OXNAD1: variants seen among roughly 807,000 people sequenced by gnomAD.
OXNAD1 encodes the protein oxidoreductase NAD binding domain containing 1, also known as oxidoreductase NAD-binding domain-containing protein 1.
A neutral mutation model predicts 32.9 loss-of-function variants in OXNAD1; 34 were observed. That is an observed-to-expected ratio of 1.03 (90% CI 0.79 to 1.38). The LOEUF is 1.38. Ranked by LOEUF, OXNAD1 falls within the 40% of genes most tolerant of loss-of-function variation. OXNAD1 has a pLI of 0.00. For synonymous variants in OXNAD1, 134 were observed against 135.2 expected, an observed-to-expected ratio of 0.99 and a Z score of 0.06; for missense variants, 407 against 379.4, an observed-to-expected ratio of 1.07 and a Z score of -0.60.
downstream of OXNAD1, among the ~76,000 whole-genome samples, chr3:16,309,683 G>A (rs80120094): frequency 1.4e-3 from 202 of 149,328 alleles, no homozygotes; most frequent in African/African-American, 5.0e-3. Flanking sequence ...TTGGCTGTGT[G>A]GGATGGTGGG....
In OXNAD1 at chr3:16,316,504, G is replaced by A. The variant is rs375084476; in HGVS notation, c.*30+12912G>A. 17 of 360,892 alleles carry A rather than the reference G, an allele frequency of 4.7e-5. No individual in the cohort carries two copies. The highest frequency in any genetic ancestry group is 4.4e-4 in the East Asian group (6 of 13,532). The allele number at this position is 360,892 out of a possible 1,614,324, so 22.4% of individuals were successfully genotyped here. On this transcript the variant is annotated intron_variant, in intron 9 of 9. Coordinates refer to the OXNAD1 transcript ENST00000435829. The surrounding 1 kb of genome is among the most constrained non-coding windows in gnomAD (Gnocchi z 4.5). ...GAATGCTCCCTGGAGGCCCTGTGGC[G>A]AGGACAGGCACTGGATGGTCCAGAC...
At position 16,303,835 on chromosome 3, in the gene OXNAD1, T is replaced by C. The variant is rs1284859740; in HGVS notation, c.*273T>C. 1 of 242,294 alleles carries C rather than the reference T, an allele frequency of 4.1e-6. No individual in the cohort carries two copies. The highest frequency in any genetic ancestry group is 7.9e-6 in the Non-Finnish European group (1 of 126,434). The allele number at this position is 242,294 out of a possible 1,614,324, so 15.0% of individuals were successfully genotyped here. ...CTCATGATGTACCATGATTGGTCAG[T>C]ATAGATTTTTCTTTTGTCTTTAGGC... On this transcript the variant is annotated 3_prime_UTR_variant, in exon 9 of 9. Transcript: ENST00000285083. This position sits in a 1 kb window ranked among gnomAD's most constrained non-coding sequence, Gnocchi z 4.8.
At chr3:16,343,885 C>T (rs1271147635) in intron 9 of OXNAD1, among the ~76,000 whole-genome samples, 1 of 152,154 alleles carries the variant, frequency 6.6e-6, no homozygotes, top group African/African-American at 2.4e-5. Context: ...GCAAAGCCAG[C>T]TGATAGTCTT....
Position 16,271,657 on chromosome 3 carries a change from A to G in OXNAD1, c.120-2A>G. On this transcript the variant is annotated splice_acceptor_variant, in intron 3 of 8. Transcript: ENST00000285083. LOFTEE classifies it high-confidence loss of function. The surrounding 1 kb of genome is among the most constrained non-coding windows in gnomAD (Gnocchi z 4.6). ...ATAACCTAATTTTACTTTCTATTAA[A>G]GCATAATGAAATCCAAAAGGAAAAC... 2.5e-6 allele frequency: 4 copies of G among 1,592,100 alleles called. No individual in the cohort carries two copies. Among genetic ancestry groups the G allele is most frequent in the Admixed American group, 1.9e-5 (1 of 53,470 alleles).
In OXNAD1 at chr3:16,303,104, A is replaced by T. The variant is rs1002837714; in HGVS notation, c.785-304A>T. 1.3e-5 allele frequency among the ~76,000 whole-genome samples: 2 copies of T among 152,230 alleles called. No homozygotes were observed. The highest frequency in any genetic ancestry group is 2.9e-5 in the Non-Finnish European group (2 of 68,034). On this transcript the variant is annotated intron_variant, in intron 8 of 8. Transcript: ENST00000285083. This position sits in a 1 kb window ranked among gnomAD's most constrained non-coding sequence, Gnocchi z 4.8. ...TCCTCTGAAAGGATTTTTATAAAAC[A>T]GTTACTTCCTTTGCTGAAGGCAATT... is the stretch of plus-strand genomic sequence containing the variant.
rs1236133367 is a variant in OXNAD1 at position 16,326,823 on chromosome 3, A to G, written c.*31-10289A>G. The G allele has an allele frequency of 6.8e-6, 11 of 1,614,062 alleles. No individual in the cohort carries two copies. In the South Asian group the frequency reaches 1.1e-4, roughly 16 times the overall value. On this transcript the variant is annotated intron_variant, in intron 9 of 9. Coordinates refer to the OXNAD1 transcript ENST00000435829. Reference sequence around the variant, plus strand: ...GTAGCACACAGGTGAGCTGCCAGCCATAGGCCGCCAGCGAGTTCAGCAGGG... The same window carrying G: ...GTAGCACACAGGTGAGCTGCCAGCCGTAGGCCGCCAGCGAGTTCAGCAGGG...
At chr3:16,332,835 T>TTATC (rs1559824577) in intron 9 of OXNAD1, among the ~76,000 whole-genome samples, 2 of 116,302 alleles carry the variant, frequency 1.7e-5, no homozygotes, top group South Asian at 2.8e-4. Flanking sequence ...GGGCATCGAT[T>TTATC]TATCTACCTA....
Position 16,314,996 on chromosome 3 carries a change from CTTCAACCTCTT to C in OXNAD1, c.*30+11406_*30+11416del, listed in dbSNP as rs1268630688. ...TAGTTGTCTTCTCTTTGAACAGGGC[CTTCAACCTCTT>C]TAAGCTCTGAGGGTTGGGTGGGGAG... On this transcript the variant is annotated intron_variant, in intron 9 of 9. Transcript: ENST00000435829. This position sits in a 1 kb window ranked among gnomAD's most constrained non-coding sequence, Gnocchi z 4.4. 6.6e-6 allele frequency: 1 copy of C among 152,224 alleles called. No homozygotes were observed. The highest frequency in any genetic ancestry group is 1.5e-5 in the Non-Finnish European group (1 of 68,056). The allele number at this position is 152,224 out of a possible 1,614,324, so 9.4% of individuals were successfully genotyped here.
chr3:16,336,170 G>T lies in OXNAD1; in HGVS notation c.*31-942G>T, dbSNP rs2070829790. Among the ~76,000 whole-genome samples the T allele has an allele frequency of 6.6e-6, 1 of 152,240 alleles. No homozygotes were observed. The highest frequency in any genetic ancestry group is 1.5e-5 in the Non-Finnish European group (1 of 68,038). The stretch of plus-strand genomic sequence containing the variant: ...GAAGGCAGATGCTGGAACACGGCGG[G>T]CAGTGTTGCAGAAAACTCCACGTGG... On this transcript the variant is annotated intron_variant, in intron 9 of 9. Coordinates refer to the OXNAD1 transcript ENST00000435829. The surrounding 1 kb of genome is among the most constrained non-coding windows in gnomAD (Gnocchi z 6.0).
downstream of OXNAD1, among the ~76,000 whole-genome samples, chr3:16,308,108 G>A (rs80206689): frequency 6.6e-6 from 1 of 152,272 alleles, no homozygotes; most frequent in East Asian, 1.9e-4. This position sits in a 1 kb window ranked among gnomAD's most constrained non-coding sequence, Gnocchi z 4.4. Flanking sequence ...TTAGGAGCAA[G>A]TTAAATACTT....
chr3:16,303,345 C>A lies in OXNAD1; in HGVS notation c.785-63C>A. ...CACTGTATCTGAATTGTGGTTAGTC[C>A]TTCCTCATTTGCTGATACAACCATG... On this transcript the variant is annotated intron_variant, in intron 8 of 8. Transcript: ENST00000285083. The surrounding 1 kb of genome is among the most constrained non-coding windows in gnomAD (Gnocchi z 4.8). The A allele has an allele frequency of 6.4e-7, 1 of 1,566,332 alleles. No homozygotes were observed. The highest frequency in any genetic ancestry group is 8.7e-7 in the Non-Finnish European group (1 of 1,144,276).
chr3:16,323,104 A>G (rs544537458), intron 9 of OXNAD1, among the ~76,000 whole-genome samples: 1 of 152,156 alleles, frequency 6.6e-6, no homozygotes, highest in Non-Finnish European at 1.5e-5. Context: ...CCTAGTGGGA[A>G]TATCTAGCAG....
chr3:16,292,663 C>T (rs2066510458), intron 5 of OXNAD1, among the ~76,000 whole-genome samples: 1 of 152,162 alleles, frequency 6.6e-6, no homozygotes, highest in African/African-American at 2.4e-5. Context: ...TTAGCTCTTA[C>T]ATTTAAGTTT....
downstream of OXNAD1, among the ~76,000 whole-genome samples, chr3:16,309,962 A>G (rs2067852470): frequency 6.6e-6 from 1 of 152,168 alleles, no homozygotes; most frequent in South Asian, 2.1e-4. Context: ...TGGGATGACT[A>G]TTGTTTGTAT....
At position 16,271,808 on chromosome 3, in the gene OXNAD1, A is replaced by G; in HGVS notation, c.183+86A>G. On this transcript the variant is annotated intron_variant, in intron 4 of 8. Coordinates refer to ENST00000285083, the MANE Select transcript of OXNAD1 (RefSeq NM_138381.5). The surrounding 1 kb of genome is among the most constrained non-coding windows in gnomAD (Gnocchi z 4.6). ...TGGCTTATGGGTAAAGCATTAGATGAGTCTGGTCCTTTTGAAGGAGAGTTG... is the reference window on the plus strand; with the variant it reads ...TGGCTTATGGGTAAAGCATTAGATGGGTCTGGTCCTTTTGAAGGAGAGTTG... 8.7e-7 allele frequency: 1 copy of G among 1,153,836 alleles called. No homozygotes were observed. The highest frequency in any genetic ancestry group is 2.5e-5 in the East Asian group (1 of 40,120). 71.5% of individuals were successfully genotyped at this position (1,153,836 alleles called of 1,614,324 possible). A position where few individuals can be genotyped will look rare whatever the true frequency, so the allele number is the denominator to read the frequency against.
chr3:16,340,965 CAACA>C (rs1286177057), downstream of OXNAD1, among the ~76,000 whole-genome samples: 1 of 152,120 alleles, frequency 6.6e-6, no homozygotes, highest in Non-Finnish European at 1.5e-5. Context: ...AACAATAAGA[CAACA>C]AACAACCCAA....
At chr3:16,295,726 T>C (rs1019270226) in intron 6 of OXNAD1, among the ~76,000 whole-genome samples, 1 of 152,202 alleles carries the variant, frequency 6.6e-6, no homozygotes, top group African/African-American at 2.4e-5. Flanking sequence ...GTCTTCTATA[T>C]TTACCAACAA....
Position 16,316,960 on chromosome 3 carries a change from A to C in OXNAD1, c.*30+13368A>C. On this transcript the variant is annotated intron_variant, in intron 9 of 9. Coordinates refer to the OXNAD1 transcript ENST00000435829. This position sits in a 1 kb window ranked among gnomAD's most constrained non-coding sequence, Gnocchi z 4.5. ...TGTGGCTGGCAGGACCATTCTGCAC[A>C]GCCTCACCCTCCACACCCACCCCAC... is the stretch of plus-strand genomic sequence containing the variant. 6.2e-7 allele frequency: 1 copy of C among 1,613,970 alleles called. No individual in the cohort carries two copies. Among genetic ancestry groups the C allele is most frequent in the Non-Finnish European group, 8.5e-7 (1 of 1,179,994 alleles).
At chr3:16,337,759 A>C (rs1381747598), downstream of OXNAD1, among the ~76,000 whole-genome samples, 3 of 150,400 alleles carry the variant, frequency 2.0e-5, no homozygotes, top group Admixed American at 2.0e-4. The surrounding 1 kb of genome is among the most constrained non-coding windows in gnomAD (Gnocchi z 5.0). Flanking sequence ...AAAAAAAAAG[A>C]AAAGAAAGTC....
Sources: allele counts gnomAD v4.1 joint callset (sites outside exome capture counted in the v4.1 genomes callset), GRCh38; gene constraint gnomAD v4.1.1; non-coding constraint Gnocchi (gnomAD v3.1); transcripts MANE v1.5; gene names NCBI Gene and HGNC (gene_info 2026-07-23, HGNC 2026-07-21).